The following RTN1 variants were observed in gnomAD, a reference collection of about 807,000 sequenced individuals.
RTN1 encodes the protein reticulon-1.
A neutral mutation model predicts 65.5 loss-of-function variants in RTN1; 25 were observed. The ratio of observed to expected loss-of-function variants is 0.38; its 90% CI spans 0.28 to 0.53. RTN1 has a LOEUF of 0.53. Ranked by LOEUF, RTN1 falls within the 20% of genes least tolerant of loss-of-function variation. RTN1 has a pLI of 0.79. For synonymous variants in RTN1, 471 were observed against 447.6 expected, an observed-to-expected ratio of 1.05 and a Z score of -0.66; for missense variants, 983 against 1,025.4, an observed-to-expected ratio of 0.96 and a Z score of 0.57.
intron 4 of RTN1, among the ~76,000 whole-genome samples, chr14:59,606,690 C>T (rs544758439): frequency 5.3e-5 from 8 of 152,304 alleles, no homozygotes; most frequent in African/African-American, 1.2e-4. Flanking sequence ...GTCATATATC[C>T]GCTTAGTTAG....
chr14:59,807,353 T>C (rs1416707645), intron 1 of RTN1, among the ~76,000 whole-genome samples: 1 of 152,198 alleles, frequency 6.6e-6, no homozygotes, highest in Non-Finnish European at 1.5e-5. Flanking sequence ...AGGCAGGATA[T>C]GAAAATCCAC....
Position 59,701,915 on chromosome 14 carries a change from G to A in RTN1, c.1765+25004C>T, listed in dbSNP as rs377519888. 1.8e-4 allele frequency among the ~76,000 whole-genome samples: 28 copies of A among 152,168 alleles called. No individual in the cohort carries two copies. The East Asian group carries it at 2.3e-3, about 13-fold the overall frequency. ...GCTGACTCCTGTTTCAGATTCTTAC[G>A]TAGTTATCTGTGCCTCACTTACCCT... On this transcript the variant is annotated intron_variant, in intron 3 of 8. Coordinates refer to ENST00000267484, the MANE Select transcript of RTN1 (RefSeq NM_021136.3).
chr14:59,644,939 C>A (rs1194542418), intron 3 of RTN1, among the ~76,000 whole-genome samples: 2 of 152,236 alleles, frequency 1.3e-5, no homozygotes, highest in African/African-American at 4.8e-5. Context: ...TCCAAGCCTC[C>A]CTGGAATGGA....
chr14:59,655,936 G>A (rs922183906), intron 3 of RTN1, among the ~76,000 whole-genome samples: 5 of 152,032 alleles, frequency 3.3e-5, no homozygotes, highest in Admixed American at 2.0e-4. Context: ...ACTTGGATAC[G>A]AACATTCACA....
rs1566711578 is a variant in RTN1 at position 59,749,340 on chromosome 14, ATATATATCTATATATATC to A, written c.242-2877_242-2860del. Among the ~76,000 whole-genome samples the A allele has an allele frequency of 1.1e-3, 59 of 52,560 alleles. 14 individuals carry two copies. Among genetic ancestry groups the A allele is most frequent in the African/African-American group, 6.3e-3 (45 of 7,156 alleles). The allele number at this position is 52,560 out of a possible 152,430, so 34.5% of individuals were successfully genotyped here. ...TATATCTATATATCTATATATATCTATATATATCTATATATATCTATATATATATCTATATATCTATAT... is the reference window on the plus strand; with the variant it reads ...TATATCTATATATCTATATATATCTATATATATATATCTATATATCTATAT... On this transcript the variant is annotated intron_variant, in intron 1 of 8. Coordinates refer to ENST00000267484, the MANE Select transcript of RTN1 (RefSeq NM_021136.3).
chr14:59,841,084 C>T (rs1376349777), intron 1 of RTN1, among the ~76,000 whole-genome samples: 2 of 152,086 alleles, frequency 1.3e-5, no homozygotes, highest in Admixed American at 6.6e-5. Context: ...TAATATATAC[C>T]TCATAAGCAG....
At chr14:59,764,131 T>C (rs1045957158) in intron 1 of RTN1, among the ~76,000 whole-genome samples, 1 of 152,032 alleles carries the variant, frequency 6.6e-6, no homozygotes, top group Non-Finnish European at 1.5e-5. Context: ...TATGGAGCCA[T>C]TGTAACTCAG....
intron 3 of RTN1, among the ~76,000 whole-genome samples, chr14:59,661,464 G>A (rs913837225): frequency 2.6e-5 from 4 of 151,894 alleles, no homozygotes; most frequent in Non-Finnish European, 4.4e-5. Flanking sequence ...AAAATTTGAG[G>A]CCAATATCCC....
intron 1 of RTN1, among the ~76,000 whole-genome samples, chr14:59,764,643 A>G (rs1433676165): frequency 6.6e-6 from 1 of 152,152 alleles, no homozygotes; most frequent in Non-Finnish European, 1.5e-5. Context: ...AAAATTGCAA[A>G]TAATCACTAT....
intron 2 of RTN1, among the ~76,000 whole-genome samples, chr14:59,730,328 A>C (rs979207595): frequency 6.6e-6 from 1 of 152,204 alleles, no homozygotes; most frequent in African/African-American, 2.4e-5. Context: ...CCACAAGAAA[A>C]AGAATGAAAT....
chr14:59,622,085 C>G (rs1882269305), intron 3 of RTN1, among the ~76,000 whole-genome samples: 1 of 152,204 alleles, frequency 6.6e-6, no homozygotes, highest in Non-Finnish European at 1.5e-5. Context: ...CCTGTAACCC[C>G]AGCACTCTGG....
intron 1 of RTN1, among the ~76,000 whole-genome samples, chr14:59,784,043 C>A (rs990918676): frequency 6.6e-6 from 1 of 151,952 alleles, no homozygotes; most frequent in Admixed American, 6.6e-5. Flanking sequence ...CTCTTCATAT[C>A]CTTTGCAAAG....
At chr14:59,697,099 C>T (rs995555627) in intron 3 of RTN1, among the ~76,000 whole-genome samples, 1 of 152,096 alleles carries the variant, frequency 6.6e-6, no homozygotes, top group African/African-American at 2.4e-5. Context: ...GATAACATTT[C>T]ATTTTCCTAT....
In RTN1 at chr14:59,727,043, C is replaced by T. The variant is rs772649460; in HGVS notation, c.1641G>A (p.Thr547=). 14 of 1,613,374 alleles carry T rather than the reference C, an allele frequency of 8.7e-6. No individual in the cohort carries two copies. The highest frequency in any genetic ancestry group is 2.2e-5 in the East Asian group (1 of 44,838). The change falls in exon 3 of 9, where the codon ACG becomes ACA. Residue 547 remains threonine, a synonymous_variant. Coordinates refer to ENST00000267484, the MANE Select transcript of RTN1 (RefSeq NM_021136.3). The surrounding 1 kb of genome is among the most constrained non-coding windows in gnomAD (Gnocchi z 4.2). The stretch of plus-strand genomic sequence containing the variant: ...CTTCAGGCTTCCGTGGCAACATGGG[C>T]GTCTCAGGCTCCAGGGCTCCGTCTC... ...PPGDGALEPE[T]PMLPRKPEED...
intron 3 of RTN1, among the ~76,000 whole-genome samples, chr14:59,637,490 G>A (rs192890925): frequency 3.9e-5 from 6 of 152,220 alleles, no homozygotes; most frequent in Admixed American, 3.3e-4. Flanking sequence ...GAGGCAGGCG[G>A]CTCACGAAGT....
chr14:59,782,993 C>T (rs1018721349), intron 1 of RTN1, among the ~76,000 whole-genome samples: 7 of 152,152 alleles, frequency 4.6e-5, no homozygotes, highest in Non-Finnish European at 8.8e-5. Context: ...CTAATAAGCA[C>T]TTTGCACATT....
intron 1 of RTN1, among the ~76,000 whole-genome samples, chr14:59,806,587 A>C (rs1886642942): frequency 6.6e-6 from 1 of 152,162 alleles, no homozygotes; most frequent in South Asian, 2.1e-4. Flanking sequence ...AGTACCTATT[A>C]GTCATTTTTC....
Position 59,651,642 on chromosome 14 carries a change from G to T in RTN1, c.1766-44150C>A, listed in dbSNP as rs191844167. ...AATCCCAGCTGCTTGGGAGGTCGAG[G>T]CAGGAGAATTGCTTGAACCTGGGAG... On this transcript the variant is annotated intron_variant, in intron 3 of 8. Transcript: ENST00000267484. 2.0e-4 allele frequency among the ~76,000 whole-genome samples: 30 copies of T among 152,194 alleles called. No individual in the cohort carries two copies. The East Asian group carries it at 5.4e-3, about 27-fold the overall frequency.
intron 1 of RTN1, among the ~76,000 whole-genome samples, chr14:59,787,874 G>A (rs139285306): frequency 3.3e-5 from 5 of 152,120 alleles, no homozygotes; most frequent in African/African-American, 9.6e-5. Context: ...TATATCCTTC[G>A]GTAAATTATT....
Sources: gnomAD v4.1 joint callset for allele counts (sites outside exome capture counted in the v4.1 genomes callset) on GRCh38, gnomAD v4.1.1 for gene constraint, Gnocchi (gnomAD v3.1) non-coding constraint, MANE v1.5 for transcripts, NCBI Gene and HGNC (gene_info 2026-07-23, HGNC 2026-07-21) for gene names.